The following STRN variants were observed in gnomAD, a reference collection of about 807,000 sequenced individuals.
STRN encodes protein phosphatase 2 regulatory subunit B'''alpha.
A neutral mutation model predicts 96.3 loss-of-function variants in STRN; 53 were observed. That is an observed-to-expected ratio of 0.55 (90% CI 0.44 to 0.69). STRN has a LOEUF of 0.69. STRN is among the 30% of genes least tolerant of loss of function. The pLI, the probability that STRN is intolerant of heterozygous loss-of-function variation, is 0.00. For synonymous variants in STRN, 428 were observed against 355.9 expected (o/e 1.20, Z -2.28); for missense variants, 987 against 963.9 (o/e 1.02, Z -0.32).
At chr2:36,890,990 G>C (rs971632771) in intron 7 of STRN, among the ~76,000 whole-genome samples, 1 of 152,120 alleles carries the variant, frequency 6.6e-6, no homozygotes, top group African/African-American at 2.4e-5. Flanking sequence ...GGGACTAGAA[G>C]TATTTCGGAT....
chr2:36,897,564 T>A (rs1007282988), intron 6 of STRN, among the ~76,000 whole-genome samples: 1 of 151,442 alleles, frequency 6.6e-6, no homozygotes, highest in African/African-American at 2.4e-5. Context: ...GCCTCCCGAG[T>A]AGCTGGGACT....
intron 14 of STRN, among the ~76,000 whole-genome samples, chr2:36,855,605 G>T (rs945765814): frequency 2.0e-5 from 3 of 152,140 alleles, no homozygotes; most frequent in Non-Finnish European, 4.4e-5. Flanking sequence ...TGGAATGCAA[G>T]CCTTTATTTA....
rs183545593 is a variant in STRN, at chr2:36,900,622, G to A, written c.660-964C>T. ...TTAGTAAAGACTGGCTGGACGCAGT[G>A]GCTCACACCTGTAATCCCAGCACTT... On this transcript the variant is annotated intron_variant, in intron 5 of 17. Coordinates refer to ENST00000263918, the MANE Select transcript of STRN (RefSeq NM_003162.4). Among the ~76,000 whole-genome samples the A allele has an allele frequency of 1.5e-3, 235 of 152,224 alleles. 1 individual carries two copies. Among genetic ancestry groups the A allele is most frequent in the Admixed American group, 2.5e-3 (38 of 15,294 alleles).
intron 4 of STRN, among the ~76,000 whole-genome samples, chr2:36,903,746 C>G (rs891627268): frequency 2.0e-5 from 3 of 152,136 alleles, no homozygotes; most frequent in Non-Finnish European, 1.5e-5. Context: ...GTGTATCTTA[C>G]CAAATCAAGA....
rs888896658 is a variant in STRN, at chr2:36,867,855, A to G, written c.1506T>C (p.Thr502=). The G allele has an allele frequency of 6.3e-7, 1 of 1,592,780 alleles. No individual in the cohort carries two copies. The highest frequency in any genetic ancestry group is 1.4e-5 in the African/African-American group (1 of 73,864). Residue 502 remains threonine (T), a synonymous_variant, in exon 12 of 18, where the codon ACT becomes ACC. Coordinates refer to ENST00000263918, the MANE Select transcript of STRN (RefSeq NM_003162.4). The stretch of plus-strand genomic sequence containing the variant: ...TATAGATAGGTTCTACATCAAGAGA[A>G]GTGCTCCTAAATCAGAGAGAGATGA... ...LQKTAPAKKS[T]SLDVEPIYTF...
At chr2:36,910,260 C>A (rs1015662808) in intron 3 of STRN, among the ~76,000 whole-genome samples, 1 of 150,086 alleles carries the variant, frequency 6.7e-6, no homozygotes, top group Non-Finnish European at 1.5e-5. Flanking sequence ...GACACGTGAG[C>A]GGAAGACTTT....
chr2:36,872,157 G>A (rs554223841), intron 10 of STRN, among the ~76,000 whole-genome samples: 5 of 152,180 alleles, frequency 3.3e-5, no homozygotes, highest in African/African-American at 1.2e-4. Flanking sequence ...CCCCCATTAT[G>A]GGGTTGGTCT....
chr2:36,920,484 C>T (rs963001886), intron 2 of STRN, among the ~76,000 whole-genome samples: 3 of 151,746 alleles, frequency 2.0e-5, no homozygotes, highest in African/African-American at 7.3e-5. Context: ...AACAAAAATA[C>T]AAAATTAGCC....
chr2:36,924,940 C>T (rs747666491), intron 2 of STRN, among the ~76,000 whole-genome samples, 165 bp downstream of exon 2: 5 of 152,184 alleles, frequency 3.3e-5, no homozygotes, highest in African/African-American at 4.8e-5. Flanking sequence ...CCTATAATCC[C>T]AGCTACTGGG....
chr2:36,958,615 T>G (rs1431627805), intron 1 of STRN, among the ~76,000 whole-genome samples: 2 of 152,006 alleles, frequency 1.3e-5, no homozygotes, highest in African/African-American at 2.4e-5. Context: ...CAGAATAAAT[T>G]ATCGAGAATA....
intron 10 of STRN, among the ~76,000 whole-genome samples, chr2:36,871,182 C>T (rs1668754330): frequency 6.6e-6 from 1 of 152,076 alleles, no homozygotes; most frequent in African/African-American, 2.4e-5. Context: ...TATAATTTAG[C>T]ACAGCTTAGG....
At chr2:36,919,528 T>A (rs551777630) in intron 2 of STRN, among the ~76,000 whole-genome samples, 1 of 151,568 alleles carries the variant, frequency 6.6e-6, no homozygotes, top group Non-Finnish European at 1.5e-5. Context: ...GACAGAATAA[T>A]TACACCCAAA....
intron 1 of STRN, among the ~76,000 whole-genome samples, chr2:36,937,689 G>GA (rs1200862767): frequency 5.2e-4 from 65 of 125,344 alleles, no homozygotes; most frequent in South Asian, 1.1e-3. Flanking sequence ...AGAAAGAAAA[G>GA]AAAAAAAAAA....
chr2:36,887,178 C>T (rs775812160), intron 7 of STRN, among the ~76,000 whole-genome samples: 14 of 151,480 alleles, frequency 9.2e-5, no homozygotes, highest in South Asian at 2.1e-4. Context: ...CCTATAATTC[C>T]AGCACTTTAG....
At position 36,940,347 on chromosome 2, in the gene STRN, G is replaced by A. The variant is rs186781363; in HGVS notation, c.235-15139C>T. 1.1e-3 allele frequency among the ~76,000 whole-genome samples: 170 copies of A among 152,132 alleles called. 1 individual carries two copies. The highest frequency in any genetic ancestry group is 4.0e-3 in the African/African-American group (168 of 41,510). ...TTCTACTCAGAAACAAATGGCAGGA[G>A]GTTGATAAAGAACCATGAGAATATA... On this transcript the variant is annotated intron_variant, in intron 1 of 17. Transcript: ENST00000263918.
chr2:36,933,570 T>C (rs1670626863), intron 1 of STRN, among the ~76,000 whole-genome samples: 1 of 152,218 alleles, frequency 6.6e-6, no homozygotes, highest in Non-Finnish European at 1.5e-5. Context: ...ATGGAGAAGC[T>C]AGAGGCCCAA....
rs57446302 is a variant in STRN at position 36,846,387 on chromosome 2, T to TTA, written c.*3067_*3068dup. The TTA allele has an allele frequency of 0.039, 3,062 of 77,706 alleles. 118 individuals are homozygous for TTA. The highest frequency in any genetic ancestry group is 0.096 in the African/African-American group (1,217 of 12,696). The allele number at this position is 77,706 out of a possible 1,614,324, so 4.8% of individuals were successfully genotyped here. On this transcript the variant is annotated 3_prime_UTR_variant, in exon 18 of 18. Coordinates refer to ENST00000263918, the MANE Select transcript of STRN (RefSeq NM_003162.4). ...CAAAACAGTAAAATGCACCTATGGT[T>TTA]TATATATATATATATATATATATAT... is the stretch of plus-strand genomic sequence containing the variant.
At chr2:36,887,467 T>C (rs1047667175) in intron 7 of STRN, among the ~76,000 whole-genome samples, 2 of 151,252 alleles carry the variant, frequency 1.3e-5, no homozygotes, top group Admixed American at 6.6e-5. Context: ...CAAAACTCTG[T>C]CTCAAAAAAA....
chr2:36,936,282 T>C (rs1670698346), intron 1 of STRN, among the ~76,000 whole-genome samples: 1 of 152,296 alleles, frequency 6.6e-6, no homozygotes, highest in East Asian at 1.9e-4. Context: ...GTAATTACTG[T>C]AGTAACAATA....
Sources: gnomAD v4.1 joint callset for allele counts (sites outside exome capture counted in the v4.1 genomes callset) on GRCh38, gnomAD v4.1.1 for gene constraint, MANE v1.5 for transcripts, NCBI Gene and HGNC (gene_info 2026-07-23, HGNC 2026-07-21) for gene names.